The following CFAP45 variants were observed in gnomAD, a reference collection of about 807,000 sequenced individuals.
The protein encoded by CFAP45 is cilia and flagella associated protein 45.
A neutral mutation model predicts 75.6 loss-of-function variants in CFAP45; 43 were observed. The ratio of observed to expected loss-of-function variants is 0.57; its 90% CI spans 0.45 to 0.73. The LOEUF is 0.73. Among genes scored for constraint, CFAP45 ranks in the 30% least tolerant of loss-of-function variants. The pLI, the probability that CFAP45 is intolerant of heterozygous loss-of-function variation, is 0.00. For synonymous variants in CFAP45, 223 were observed against 244.6 expected (o/e 0.91, Z 0.82); for missense variants, 689 against 701.5 (o/e 0.98, Z 0.20).
At chr1:159,897,109 T>A (rs1223417376) in intron 1 of CFAP45, among the ~76,000 whole-genome samples, 1 of 150,250 alleles carries the variant, frequency 6.7e-6, no homozygotes, top group African/African-American at 2.5e-5. Flanking sequence ...ACAAAAAATA[T>A]GAAAATTAGC....
intron 7 of CFAP45, among the ~76,000 whole-genome samples, chr1:159,882,464 A>C (rs1396361813): frequency 6.6e-6 from 1 of 152,140 alleles, no homozygotes; most frequent in Non-Finnish European, 1.5e-5. Context: ...CAAGACACCA[A>C]AGGACTTTCC....
chr1:159,873,156 TTC>T lies in CFAP45; in HGVS notation c.1363_1364del (p.Glu455ThrfsTer3). On this transcript the variant is annotated frameshift_variant, in exon 11 of 12. Transcript: ENST00000368099. LOFTEE classifies it high-confidence loss of function. The part of the protein sequence containing the change: ...EFERILRAQR[E>X]QIEKERLEEE... ...CCTCCAGCCGCTCCTTCTCAATCTGTTCTCTCTGAGCCCTGGGGGAGGGAAAC... is the reference window on the plus strand; with the variant it reads ...CCTCCAGCCGCTCCTTCTCAATCTGTTCTCTGAGCCCTGGGGGAGGGAAAC... The T allele has an allele frequency of 6.2e-7, 1 of 1,613,638 alleles. No individual in the cohort carries two copies. The highest frequency in any genetic ancestry group is 8.5e-7 in the Non-Finnish European group (1 of 1,179,910).
chr1:159,886,582 C>T lies in CFAP45; in HGVS notation c.696G>A (p.Met232Ile). 6.2e-7 allele frequency: 1 copy of T among 1,614,168 alleles called. No homozygotes were observed. Among genetic ancestry groups the T allele is most frequent in the Admixed American group, 1.7e-5 (1 of 60,024 alleles). Residue 232 changes from methionine to isoleucine, a missense_variant, in exon 6 of 12, where the codon ATG (methionine) becomes ATA (isoleucine). Met to Ile is a conservative substitution (Grantham distance 10). Transcript: ENST00000368099. ...GAATGGATTTCTGCCGCTCCACTTC[C>T]ATCATCTGATCCAACCGCTTCTCTT... ...DTEEKRLDQM[M>I]EVERQKSIQR... is the part of the protein sequence containing the mutation.
intron 10 of CFAP45, chr1:159,873,490 C>T (rs541624311): frequency 2.5e-4 from 92 of 362,762 alleles, no homozygotes; most frequent in Middle Eastern, 1.7e-3. Context: ...ACAAGGGAGT[C>T]CACACTCTCT....
Position 159,877,373 on chromosome 1 carries a change from C to G in CFAP45, c.1134G>C (p.Lys378Asn). 1 of 1,613,498 alleles carries G rather than the reference C, an allele frequency of 6.2e-7. No homozygotes were observed. Among genetic ancestry groups the G allele is most frequent in the Non-Finnish European group, 8.5e-7 (1 of 1,179,418 alleles). ...CCTGTTCTGCCTGGTAATCCTGGGC[C>G]TTCTCCTGCATGGCCCTCAAGCGTG... ...EIARLRAMQE[K>N]AQDYQAEQDA... Residue 378 changes from lysine (K) to asparagine (N), a missense_variant, in exon 9 of 12, where the codon AAG (lysine) becomes AAC (asparagine). Physicochemically the swap from Lys to Asn is moderately conservative, Grantham distance 94. Transcript: ENST00000368099.
chr1:159,875,380 ACAACC>A (rs1649375074), intron 10 of CFAP45, among the ~76,000 whole-genome samples: 1 of 151,224 alleles, frequency 6.6e-6, no homozygotes, highest in South Asian at 2.1e-4. Context: ...TGACCATGGC[ACAACC>A]CTGGGGGCAG....
At chr1:159,880,728 A>C in intron 7 of CFAP45, 28 bp from the exon 8 acceptor site, 4 of 1,611,786 alleles carry the variant, frequency 2.5e-6, no homozygotes, top group Non-Finnish European at 3.4e-6. Context: ...AGAGCCTCAG[A>C]GTACAAAGAG....
Position 159,882,106 on chromosome 1 carries a change from G to A in CFAP45, c.898-1406C>T, listed in dbSNP as rs548289089. ...TTCAGGAAGGCTTCTGAACCAGAGC[G>A]GTATGGCAACTCTCTGCCTCTGAGG... is the stretch of plus-strand genomic sequence containing the variant. On this transcript the variant is annotated intron_variant, in intron 7 of 11. Coordinates refer to ENST00000368099, the MANE Select transcript of CFAP45 (RefSeq NM_012337.3). Among the ~76,000 whole-genome samples the A allele has an allele frequency of 1.4e-4, 21 of 152,300 alleles. 1 individual carries two copies. Among genetic ancestry groups the A allele is most frequent in the Admixed American group, 2.6e-4 (4 of 15,300 alleles).
intron 4 of CFAP45, 99 bp downstream of exon 4, chr1:159,888,253 A>G: frequency 7.9e-7 from 1 of 1,272,330 alleles, no homozygotes; most frequent in Non-Finnish European, 1.1e-6. Flanking sequence ...TTAAGTACAT[A>G]ATTTGTGCCT....
intron 9 of CFAP45, 38 bp downstream of exon 9, chr1:159,877,311 G>A (rs1427247212): frequency 4.3e-6 from 6 of 1,389,202 alleles, no homozygotes; most frequent in Non-Finnish European, 5.1e-6. Context: ...AGGCAAGGGA[G>A]TGGGAAAAGT....
chr1:159,886,636 C>G lies in CFAP45; in HGVS notation c.642G>C (p.Lys214Asn), dbSNP rs759877988. The change falls in exon 6 of 12, where the codon AAG (lysine) becomes AAC (asparagine). Residue 214 changes from lysine (K) to asparagine (N), a missense_variant. Physicochemically the swap from Lys to Asn is moderately conservative, Grantham distance 94. Coordinates refer to ENST00000368099, the MANE Select transcript of CFAP45 (RefSeq NM_012337.3). The stretch of plus-strand genomic sequence containing the variant: ...TGTCCAGTTCTTTTTGGATCTGCTG[C>G]TTCTCCAGGATTTGGGCATCCCGGA... Reference protein sequence around the residue: ...HAIRDAQILEKQQIQKELDTE... With the variant: ...HAIRDAQILENQQIQKELDTE... 1 of 1,614,118 alleles carries G rather than the reference C, an allele frequency of 6.2e-7. No homozygotes were observed. Among genetic ancestry groups the G allele is most frequent in the Non-Finnish European group, 8.5e-7 (1 of 1,179,996 alleles).
At chr1:159,874,134 G>A (rs544926393) in intron 10 of CFAP45, among the ~76,000 whole-genome samples, 12 of 152,076 alleles carry the variant, frequency 7.9e-5, no homozygotes, top group East Asian at 1.9e-4. Context: ...AAATGCATTC[G>A]CATCTCAGAA....
intron 3 of CFAP45, among the ~76,000 whole-genome samples, chr1:159,889,140 T>A (rs1345966298): frequency 1.3e-5 from 2 of 152,102 alleles, no homozygotes; most frequent in Non-Finnish European, 2.9e-5. Context: ...AAATATTAAT[T>A]AAAATCTGTG....
intron 10 of CFAP45, chr1:159,873,387 C>T (rs1316314763): frequency 1.2e-5 from 7 of 588,058 alleles, no homozygotes; most frequent in South Asian, 6.2e-5. Context: ...GCTCCAGGGT[C>T]GCATGACTGT....
chr1:159,888,133 C>A, intron 4 of CFAP45, 122 bp from the exon 5 acceptor site: 1 of 1,182,464 alleles, frequency 8.5e-7, no homozygotes, highest in Non-Finnish European at 1.2e-6. Flanking sequence ...ATGTCAGAGC[C>A]AAGAAGTTCC....
At chr1:159,882,837 T>C (rs574711462) in intron 7 of CFAP45, among the ~76,000 whole-genome samples, 1 of 152,228 alleles carries the variant, frequency 6.6e-6, no homozygotes, top group East Asian at 1.9e-4. Context: ...TAACTTTCCT[T>C]CTTGGCCCTT....
At position 159,888,016 on chromosome 1, in the gene CFAP45, G is replaced by A. The variant is rs1649732799; in HGVS notation, c.418-5C>T. 4 of 1,613,474 alleles carry A rather than the reference G, an allele frequency of 2.5e-6. No homozygotes were observed. The highest frequency in any genetic ancestry group is 2.2e-5 in the East Asian group (1 of 44,860). ...CTTTCGTGTCATCACTGCATCCTAA[G>A]GGAGACCAGTCTGGCTCAGTGGGAG... On this transcript the variant is annotated splice_region_variant and splice_polypyrimidine_tract_variant and intron_variant, in intron 4 of 11. Transcript: ENST00000368099.
At chr1:159,874,127 T>G (rs1456525551) in intron 10 of CFAP45, among the ~76,000 whole-genome samples, 1 of 152,128 alleles carries the variant, frequency 6.6e-6, no homozygotes, top group East Asian at 1.9e-4. Context: ...TCAAATGAAA[T>G]GCATTCGCAT....
rs559224688 is a variant in CFAP45, at chr1:159,877,481, T to G, written c.1045-19A>C. 5.1e-6 allele frequency: 8 copies of G among 1,567,990 alleles called. No homozygotes were observed. The highest frequency in any genetic ancestry group is 7.0e-6 in the Non-Finnish European group (8 of 1,137,906). On this transcript the variant is annotated intron_variant, in intron 8 of 11. Coordinates refer to ENST00000368099, the MANE Select transcript of CFAP45 (RefSeq NM_012337.3). ...CTCGAGCCTGCCGGAAGGAAAGGCC[T>G]TGTAGAATAGTTGCCATTGCCCCAG...
Sources: gnomAD v4.1 joint callset for allele counts (sites outside exome capture counted in the v4.1 genomes callset) on GRCh38, gnomAD v4.1.1 for gene constraint, MANE v1.5 for transcripts, NCBI Gene and HGNC (gene_info 2026-07-23, HGNC 2026-07-21) for gene names.